The following LRRTM4 variants were observed in gnomAD, a reference collection of about 807,000 sequenced individuals.
The protein encoded by LRRTM4 is leucine-rich repeat transmembrane neuronal protein 4.
LRRTM4 carries 25 observed loss-of-function variants against 47.6 expected under a neutral mutation model. The observed-to-expected ratio is 0.53, with a 90% CI of 0.38 to 0.73. LRRTM4 has a LOEUF of 0.73. LRRTM4 is among the 30% of genes least tolerant of loss of function. The probability of loss-of-function intolerance (pLI) is 0.00; values close to 1 mark genes in which losing one functional copy is unlikely to be tolerated. For synonymous variants in LRRTM4, 311 were observed against 269.5 expected (o/e 1.15, Z -1.51); for missense variants, 638 against 713.4 (o/e 0.89, Z 1.20).
chr2:77,419,936 C>T (rs1674805480), intron 3 of LRRTM4, among the ~76,000 whole-genome samples: 1 of 152,154 alleles, frequency 6.6e-6, no homozygotes, highest in South Asian at 2.1e-4. Flanking sequence ...TACTGTAGCC[C>T]CATTCCCCAC....
At chr2:77,480,825 G>GAGAGAGAGAT (rs1677663461) in intron 3 of LRRTM4, among the ~76,000 whole-genome samples, 1 of 25,452 alleles carries the variant, frequency 3.9e-5, no homozygotes, top group Non-Finnish European at 8.7e-5. Flanking sequence ...TGTGTGTGGA[G>GAGAGAGAGAT]AGAGAGAGAG....
chr2:76,818,377 A>G (rs1392342817), intron 3 of LRRTM4, among the ~76,000 whole-genome samples: 5 of 151,812 alleles, frequency 3.3e-5, no homozygotes, highest in Non-Finnish European at 5.9e-5. Flanking sequence ...CAGAAAAAAA[A>G]TAATAAAGTG....
intron 3 of LRRTM4, among the ~76,000 whole-genome samples, chr2:77,400,610 A>G (rs531192508): frequency 6.6e-6 from 1 of 151,984 alleles, no homozygotes; most frequent in East Asian, 1.9e-4. Context: ...AAAATATAAC[A>G]GATCATGCCA....
intron 3 of LRRTM4, among the ~76,000 whole-genome samples, chr2:76,956,749 A>G (rs945655484): frequency 1.3e-5 from 2 of 151,514 alleles, no homozygotes; most frequent in African/African-American, 4.8e-5. Flanking sequence ...ATTCAGAAAG[A>G]AAACAGGAGA....
chr2:76,780,158 AG>A (rs1182265084), intron 3 of LRRTM4, among the ~76,000 whole-genome samples: 1 of 152,040 alleles, frequency 6.6e-6, no homozygotes, highest in Non-Finnish European at 1.5e-5. Flanking sequence ...CTTCCCTTTG[AG>A]GGTAACCCGA....
At chr2:77,042,564 G>C (rs1195836768) in intron 3 of LRRTM4, among the ~76,000 whole-genome samples, 2 of 151,548 alleles carry the variant, frequency 1.3e-5, no homozygotes, top group East Asian at 3.9e-4. Flanking sequence ...ACACAGTCTA[G>C]AATAGAATAT....
chr2:77,135,134 G>T lies in LRRTM4; in HGVS notation c.1551+383184C>A, dbSNP rs145224336. Among the ~76,000 whole-genome samples the T allele has an allele frequency of 9.8e-4, 149 of 152,282 alleles. 1 individual carries two copies. The highest frequency in any genetic ancestry group is 6.8e-3 in the Middle Eastern group (2 of 294). ...TCAGTCCAAAATTCTGAAAACCTGG[G>T]ATCAGATCAGCATCCTTCCAACTCC... On this transcript the variant is annotated intron_variant, in intron 3 of 3. Coordinates refer to ENST00000409884, the MANE Select transcript of LRRTM4 (RefSeq NM_001134745.3).
intron 3 of LRRTM4, among the ~76,000 whole-genome samples, chr2:77,055,107 T>A (rs1679559038): frequency 6.6e-6 from 1 of 152,166 alleles, no homozygotes; most frequent in Non-Finnish European, 1.5e-5. Context: ...ACTCCGCTAC[T>A]TAGAGTTACC....
intron 3 of LRRTM4, among the ~76,000 whole-genome samples, chr2:76,813,955 T>G (rs1670823767): frequency 6.6e-6 from 1 of 152,192 alleles, no homozygotes; most frequent in Non-Finnish European, 1.5e-5. Context: ...TCTAATTTTA[T>G]TTTCCTGTTC....
At chr2:77,481,160 C>T (rs560838286) in intron 3 of LRRTM4, among the ~76,000 whole-genome samples, 12 of 152,226 alleles carry the variant, frequency 7.9e-5, no homozygotes, top group African/African-American at 2.9e-4. Context: ...TATAGAATAC[C>T]TTTTCTGTAC....
At chr2:76,769,418 A>G (rs2104106926) in intron 3 of LRRTM4, among the ~76,000 whole-genome samples, 1 of 152,268 alleles carries the variant, frequency 6.6e-6, no homozygotes, top group South Asian at 2.1e-4. Context: ...GTGAACACAA[A>G]CTTCTCTATT....
chr2:77,466,763 A>T (rs1408017331), intron 3 of LRRTM4, among the ~76,000 whole-genome samples: 1 of 147,580 alleles, frequency 6.8e-6, no homozygotes, highest in Non-Finnish European at 1.5e-5. Flanking sequence ...CAGTGGCATG[A>T]ACTCAGCTTA....
At chr2:77,312,933 A>G (rs138349206) in intron 3 of LRRTM4, among the ~76,000 whole-genome samples, 203 of 152,328 alleles carry the variant, frequency 1.3e-3, no homozygotes, top group Middle Eastern at 0.01. Flanking sequence ...AACAGAGGGA[A>G]AACACTTGAG....
intron 3 of LRRTM4, among the ~76,000 whole-genome samples, chr2:77,197,223 T>G (rs1352902706): frequency 6.6e-6 from 1 of 152,172 alleles, no homozygotes; most frequent in Middle Eastern, 3.2e-3. Context: ...AAATGTACTA[T>G]GAATAAATTA....
chr2:77,393,892 GA>G (rs1673598587), intron 3 of LRRTM4, among the ~76,000 whole-genome samples: 1 of 151,778 alleles, frequency 6.6e-6, no homozygotes, highest in South Asian at 2.1e-4. Context: ...AAAAATACAG[GA>G]TGTACTCATT....
At chr2:77,335,038 C>T (rs1237411740) in intron 3 of LRRTM4, among the ~76,000 whole-genome samples, 1 of 152,078 alleles carries the variant, frequency 6.6e-6, no homozygotes, top group Admixed American at 6.6e-5. Context: ...TTTTCCTTTT[C>T]CTTTCTCATT....
chr2:76,861,860 G>C (rs888046021), intron 3 of LRRTM4, among the ~76,000 whole-genome samples: 9 of 152,086 alleles, frequency 5.9e-5, no homozygotes, highest in Non-Finnish European at 1.3e-4. Context: ...ACACTTATCT[G>C]AAGTAACACA....
chr2:77,014,702 C>T (rs1677996498), intron 3 of LRRTM4, among the ~76,000 whole-genome samples: 1 of 151,808 alleles, frequency 6.6e-6, no homozygotes, highest in African/African-American at 2.4e-5. Flanking sequence ...ATCCCAGCTA[C>T]CTGGGAGGCT....
chr2:77,160,772 T>C (rs1022242750), intron 3 of LRRTM4, among the ~76,000 whole-genome samples: 3 of 152,186 alleles, frequency 2.0e-5, no homozygotes, highest in Admixed American at 6.6e-5. Context: ...GCTTTGAAAC[T>C]GCCCTCATAA....
Sources: gnomAD v4.1 joint callset for allele counts (sites outside exome capture counted in the v4.1 genomes callset) on GRCh38, gnomAD v4.1.1 for gene constraint, MANE v1.5 for transcripts, NCBI Gene and HGNC (gene_info 2026-07-23, HGNC 2026-07-21) for gene names.